CEP85L: variants seen among roughly 807,000 people sequenced by gnomAD.
CEP85L encodes the protein centrosomal protein of 85 kDa-like.
CEP85L carries 60 observed loss-of-function variants against 100.3 expected under a neutral mutation model. That is an observed-to-expected ratio of 0.60 (90% CI 0.49 to 0.74). The LOEUF is 0.74. CEP85L is among the 30% of genes least tolerant of loss of function. The pLI, the probability that CEP85L is intolerant of heterozygous loss-of-function variation, is 0.00. For synonymous variants in CEP85L, 319 were observed against 322.7 expected, an observed-to-expected ratio of 0.99 and a Z score of 0.12; for missense variants, 973 against 936.2, an observed-to-expected ratio of 1.04 and a Z score of -0.51.
intron 4 of CEP85L, 106 bp downstream of exon 4, chr6:118,523,696 G>C: frequency 1.9e-6 from 1 of 520,316 alleles, no homozygotes; most frequent in Non-Finnish European, 3.3e-6. Context: ...CAATGAATCT[G>C]TAAGGTTCTA....
rs560381831 is a variant in CEP85L at position 118,474,384 on chromosome 6, G to C, written c.1915-3740C>G. Among the ~76,000 whole-genome samples, 96 of 152,292 alleles carry C rather than the reference G, an allele frequency of 6.3e-4. 2 individuals carry two copies. Among genetic ancestry groups the C allele is most frequent in the Admixed American group, 5.3e-3 (81 of 15,288 alleles). On this transcript the variant is annotated intron_variant, in intron 10 of 12. Transcript: ENST00000368491. The stretch of plus-strand genomic sequence containing the variant: ...CGGCTCCCTCTCCTCCCAGACCCTA[G>C]TTAGACAGTTCTCTTTCCAGAAAAG...
intron 2 of CEP85L, among the ~76,000 whole-genome samples, chr6:118,567,239 G>GTATATA (rs1779585529): frequency 1.9e-5 from 1 of 53,328 alleles, no homozygotes; most frequent in Non-Finnish European, 3.6e-5. Flanking sequence ...GTGTGTGTGT[G>GTATATA]TGTGTGTGTG....
At chr6:118,571,457 G>A (rs1439843574) in intron 2 of CEP85L, among the ~76,000 whole-genome samples, 1 of 152,202 alleles carries the variant, frequency 6.6e-6, no homozygotes, top group Non-Finnish European at 1.5e-5. Flanking sequence ...TAATGCAAGT[G>A]AGTTGTATTT....
chr6:118,607,790 G>C (rs1277508827), intron 2 of CEP85L, among the ~76,000 whole-genome samples: 2 of 151,988 alleles, frequency 1.3e-5, no homozygotes, highest in East Asian at 3.9e-4. Flanking sequence ...TTTGGGTCGG[G>C]GGTCTCAATA....
intron 2 of CEP85L, among the ~76,000 whole-genome samples, chr6:118,586,959 C>T (rs1780898013): frequency 6.6e-6 from 1 of 152,198 alleles, no homozygotes; most frequent in Non-Finnish European, 1.5e-5. Flanking sequence ...GCAGGAATAA[C>T]AGTTACTAAC....
At chr6:118,631,419 TA>T (rs1275821158) in intron 2 of CEP85L, among the ~76,000 whole-genome samples, 3 of 152,202 alleles carry the variant, frequency 2.0e-5, no homozygotes, top group Non-Finnish European at 4.4e-5. Context: ...GCAGTTTCTT[TA>T]AAATCTAAAT....
chr6:118,468,091 T>C (rs889864282), intron 12 of CEP85L, among the ~76,000 whole-genome samples: 3 of 152,206 alleles, frequency 2.0e-5, no homozygotes, highest in Admixed American at 6.5e-5. Flanking sequence ...CATTATGTGT[T>C]TTTTCGATAT....
chr6:118,670,686 GT>G (rs1776279453), intron 1 of CEP85L, among the ~76,000 whole-genome samples: 1 of 152,160 alleles, frequency 6.6e-6, no homozygotes, highest in African/African-American at 2.4e-5. Context: ...AAAATAGACA[GT>G]TTTGTTTTAA....
chr6:118,519,366 G>A (rs141960331), intron 4 of CEP85L, among the ~76,000 whole-genome samples: 2,723 of 151,604 alleles, frequency 0.018, 51 homozygotes, highest in Middle Eastern at 0.054. Flanking sequence ...ATGAACCCGG[G>A]AGGCGGAGGT....
chr6:118,492,070 A>G (rs551381695), intron 5 of CEP85L, among the ~76,000 whole-genome samples: 1 of 152,262 alleles, frequency 6.6e-6, no homozygotes, highest in Non-Finnish European at 1.5e-5. Flanking sequence ...TGGTTTTCTC[A>G]TCTCTAAAAC....
chr6:118,640,471 G>C (rs1014214070), intron 1 of CEP85L, among the ~76,000 whole-genome samples: 4 of 152,102 alleles, frequency 2.6e-5, no homozygotes, highest in South Asian at 4.2e-4. Flanking sequence ...AAAAATTATA[G>C]AATAGTACCT....
At chr6:118,473,171 A>G (rs961931793) in intron 10 of CEP85L, among the ~76,000 whole-genome samples, 2 of 152,236 alleles carry the variant, frequency 1.3e-5, no homozygotes, top group African/African-American at 4.8e-5. Flanking sequence ...ATTGAGTGAT[A>G]CATCAGTGAA....
intron 2 of CEP85L, among the ~76,000 whole-genome samples, chr6:118,622,963 A>G (rs1773548902): frequency 6.6e-6 from 1 of 152,198 alleles, no homozygotes; most frequent in African/African-American, 2.4e-5. Flanking sequence ...GTATTCCCCA[A>G]GCGAAACAGA....
intron 5 of CEP85L, among the ~76,000 whole-genome samples, chr6:118,495,556 A>G (rs1452754158): frequency 2.6e-5 from 4 of 152,148 alleles, no homozygotes; most frequent in African/African-American, 9.7e-5. Context: ...AAATTTCCTG[A>G]GGCCTCCCCA....
chr6:118,465,745 G>T (rs1296366945), intron 12 of CEP85L, among the ~76,000 whole-genome samples, 177 bp from the exon 13 acceptor site: 1 of 151,946 alleles, frequency 6.6e-6, no homozygotes, highest in Admixed American at 6.6e-5. Flanking sequence ...TTATCCACTT[G>T]GTCCTTTATA....
chr6:118,512,544 G>T lies in CEP85L; in HGVS notation c.1140-1129C>A, dbSNP rs180861131. On this transcript the variant is annotated intron_variant, in intron 4 of 12. Coordinates refer to ENST00000368491, the MANE Select transcript of CEP85L (RefSeq NM_001042475.3). ...GAGACATTTTCAATTTTCACAACTG[G>T]GGCAGAATGTTACTGGCATCTAGTG... Among the ~76,000 whole-genome samples the T allele has an allele frequency of 4.2e-4, 64 of 152,134 alleles. 1 individual carries two copies. In the East Asian group the frequency reaches 8.9e-3, roughly 21 times the overall value.
rs555600272 is a variant in CEP85L, at chr6:118,502,915, T to G, written c.1257+8383A>C. 131 of 463,320 alleles carry G rather than the reference T, an allele frequency of 2.8e-4. 3 individuals carry two copies. In the South Asian group the frequency reaches 3.1e-3, roughly 11 times the overall value. 28.7% of individuals were successfully genotyped at this position (463,320 alleles called of 1,614,324 possible). A position where few individuals can be genotyped will look rare whatever the true frequency, so the allele number is the denominator to read the frequency against. On this transcript the variant is annotated intron_variant, in intron 5 of 12. Transcript: ENST00000368491. ...TTGAAGAACCTAAAAAGACACGGAG[T>G]GGACCTAGTGGGAGTTGAGGCCACC...
intron 4 of CEP85L, among the ~76,000 whole-genome samples, chr6:118,514,951 G>A (rs1776184957): frequency 1.3e-5 from 2 of 151,792 alleles, no homozygotes; most frequent in African/African-American, 4.8e-5. Flanking sequence ...ACTATATATA[G>A]GATCCACTGT....
intron 5 of CEP85L, among the ~76,000 whole-genome samples, chr6:118,499,663 CA>C (rs935551043): frequency 6.7e-6 from 1 of 148,348 alleles, no homozygotes; most frequent in Non-Finnish European, 1.5e-5. Flanking sequence ...GACTCTGTCT[CA>C]AAAAAAACAA....
Sources: allele counts gnomAD v4.1 joint callset (sites outside exome capture counted in the v4.1 genomes callset), GRCh38; gene constraint gnomAD v4.1.1; transcripts MANE v1.5; gene names NCBI Gene and HGNC (gene_info 2026-07-23, HGNC 2026-07-21).